Variants in RAI1 observed in about 807,000 individuals in gnomAD.
The protein encoded by RAI1 is retinoic acid induced 1.
Under a neutral mutation model 123.8 loss-of-function variants are expected in RAI1, and 9 were observed. The observed-to-expected ratio is 0.07, with a 90% CI of 0.04 to 0.13. The LOEUF (loss-of-function observed/expected upper bound fraction) is 0.13, where lower values mean the gene tolerates loss of function less well. Ranked by LOEUF, RAI1 falls within the 10% of genes least tolerant of loss-of-function variation. RAI1 has a pLI of 1.00. For missense variants in RAI1, 2,256 were observed against 2,545.8 expected (o/e 0.89, Z 2.45); for synonymous variants, 1,231 against 1,127.3 (o/e 1.09, Z -1.84).
intron 2 of RAI1, among the ~76,000 whole-genome samples, chr17:17,769,423 C>T (rs751778417): frequency 6.6e-5 from 10 of 152,276 alleles, no homozygotes; most frequent in Admixed American, 2.6e-4. Flanking sequence ...CCAGCTCCCC[C>T]GAGGCACGGG....
In RAI1 at chr17:17,686,606, T is replaced by TGC. The variant is rs1433996407; in HGVS notation, c.-149+4814_-149+4815insCG. Among the ~76,000 whole-genome samples the TGC allele has an allele frequency of 7.4e-4, 102 of 137,352 alleles. 3 individuals carry two copies. The highest frequency in any genetic ancestry group is 3.7e-3 in the Middle Eastern group (1 of 268). 90.1% of individuals were successfully genotyped at this position (137,352 alleles called of 152,430 possible). ...GTGTGTGTGTGTGTGTGTGTGTGTG[T>TGC]GTGCACGCGCGCGCCGGGGAGGGGA... On this transcript the variant is annotated intron_variant, in intron 1 of 5. Transcript: ENST00000353383.
Position 17,685,195 on chromosome 17 carries a change from C to G in RAI1, c.-149+3402C>G, listed in dbSNP as rs376656027. ...CTCCACAGGGAGGGAGGAGGTGCAA[C>G]AGCAACGGTGTGCGCAGAGCAGCGT... On this transcript the variant is annotated intron_variant, in intron 1 of 5. Coordinates refer to ENST00000353383, the MANE Select transcript of RAI1 (RefSeq NM_030665.4). This position sits in a 1 kb window ranked among gnomAD's most constrained non-coding sequence, Gnocchi z 4.0. The G allele has an allele frequency of 6.6e-6, 1 of 152,260 alleles. No individual in the cohort carries two copies. Among genetic ancestry groups the G allele is most frequent in the Non-Finnish European group, 1.5e-5 (1 of 68,064 alleles). 9.4% of individuals were successfully genotyped at this position (152,260 alleles called of 1,614,324 possible).
intron 1 of RAI1, 23 bp downstream of exon 1, chr17:17,681,816 C>CGGGGGGGCGCA (rs139937261): frequency 2.7e-5 from 8 of 297,578 alleles, no homozygotes; most frequent in Non-Finnish European, 3.8e-5. Flanking sequence ...CGCCGGGGCG[C>CGGGGGGGCGCA]GGGGGGCGCA....
chr17:17,711,763 G>C (rs921377618), intron 1 of RAI1, among the ~76,000 whole-genome samples: 19 of 152,224 alleles, frequency 1.2e-4, no homozygotes, highest in Non-Finnish European at 2.1e-4. Flanking sequence ...GGGCATTAGG[G>C]CCCAGATATC....
chr17:17,715,060 G>A (rs745549686), intron 1 of RAI1, among the ~76,000 whole-genome samples: 2 of 152,238 alleles, frequency 1.3e-5, no homozygotes, highest in African/African-American at 2.4e-5. Context: ...AGAGGGTGTA[G>A]AACTGCCCAG....
intron 2 of RAI1, among the ~76,000 whole-genome samples, chr17:17,744,371 A>G (rs1322926248): frequency 6.6e-6 from 1 of 152,228 alleles, no homozygotes; most frequent in African/African-American, 2.4e-5. Flanking sequence ...GTCAGTAGCC[A>G]GAAAGGCAAG....
intron 2 of RAI1, among the ~76,000 whole-genome samples, chr17:17,727,226 A>C (rs1881753254): frequency 6.6e-6 from 1 of 152,212 alleles, no homozygotes; most frequent in South Asian, 2.1e-4. Flanking sequence ...AGCCGAAAAG[A>C]GCCTTGGCAA....
chr17:17,761,808 G>A (rs1034625138), intron 2 of RAI1, among the ~76,000 whole-genome samples: 3 of 152,162 alleles, frequency 2.0e-5, no homozygotes, highest in Admixed American at 6.5e-5. Flanking sequence ...TGGTGACTGG[G>A]GCCTGGGCAG....
chr17:17,704,553 G>A (rs946417840), intron 1 of RAI1, among the ~76,000 whole-genome samples: 7 of 152,136 alleles, frequency 4.6e-5, no homozygotes, highest in Admixed American at 6.5e-5. Flanking sequence ...CAGGAGTTCC[G>A]ATCTCAACTC....
At position 17,793,372 on chromosome 17, in the gene RAI1, G is replaced by T. The variant is rs2032095988; in HGVS notation, c.424G>T (p.Asp142Tyr). The change falls in exon 3 of 6, where the codon GAT (aspartate) becomes TAT (tyrosine). Residue 142 changes from aspartate to tyrosine, a missense_variant. Physicochemically the swap from Asp to Tyr is radical, Grantham distance 160. This residue lies in a region of RAI1 where 336 missense variants were observed against 349.8 expected (regional missense o/e 0.96). Transcript: ENST00000353383. ...ACTACCTGCAGGGGTGGCCAAGTAT[G>T]ATGAGAACTTGATGAAAAAGACAGC... is the stretch of plus-strand genomic sequence containing the variant. Reference protein sequence around the residue: ...QPLPAGVAKYDENLMKKTAVP... With the variant: ...QPLPAGVAKYYENLMKKTAVP... 1 of 1,613,334 alleles carries T rather than the reference G, an allele frequency of 6.2e-7. No homozygotes were observed.
At chr17:17,689,237 C>T (rs182890721) in intron 1 of RAI1, among the ~76,000 whole-genome samples, 39 of 152,228 alleles carry the variant, frequency 2.6e-4, no homozygotes, top group Admixed American at 1.5e-3. Flanking sequence ...GGATTATAGG[C>T]GTGAGGTGAG....
chr17:17,810,769 G>T lies in RAI1; in HGVS notation c.*788G>T, dbSNP rs913065572. The T allele has an allele frequency of 2.2e-6, 1 of 452,640 alleles. No individual in the cohort carries two copies. Among genetic ancestry groups the T allele is most frequent in the East Asian group, 7.1e-5 (1 of 14,172 alleles). The allele number at this position is 452,640 out of a possible 1,614,324, so 28.0% of individuals were successfully genotyped here. ...CACCCCTGGAGCCCAGCCTGGGAGC[G>T]CAAAACCCAAGAAGCGGCCAGAACG... On this transcript the variant is annotated 3_prime_UTR_variant, in exon 6 of 6. Transcript: ENST00000353383. The surrounding 1 kb of genome is among the most constrained non-coding windows in gnomAD (Gnocchi z 4.6).
At position 17,798,280 on chromosome 17, in the gene RAI1, C is replaced by T. The variant is rs770837101; in HGVS notation, c.5332C>T (p.Arg1778Trp). 6.3e-6 allele frequency: 10 copies of T among 1,598,190 alleles called. No individual in the cohort carries two copies. The highest frequency in any genetic ancestry group is 1.3e-5 in the African/African-American group (1 of 74,618). ...GCGCACCAGTGCCCGGGGCCTGTCC[C>T]GGAGGCTGCAGAGCTGCTACTGCTG... The part of the protein sequence containing the change: ...PLRTSARGLS[R>W]RLQSCYCCDG... The change falls in exon 3 of 6, where the codon CGG (arginine) becomes TGG (tryptophan). Residue 1778 changes from arginine (R) to tryptophan (W), a missense_variant. Coordinates refer to ENST00000353383, the MANE Select transcript of RAI1 (RefSeq NM_030665.4).
At chr17:17,788,373 G>A (rs953822287) in intron 2 of RAI1, among the ~76,000 whole-genome samples, 1 of 152,196 alleles carries the variant, frequency 6.6e-6, no homozygotes, top group Non-Finnish European at 1.5e-5. Context: ...AGGCCCCTAG[G>A]ATATGGAATT....
Position 17,797,793 on chromosome 17 carries a change from C to T in RAI1, c.4845C>T (p.Asn1615=). ...TCACCACCATATGCACTGTTGTCAA[C>T]TCCCCTGGAGATGCGCCCAAGCCCC... is the stretch of plus-strand genomic sequence containing the variant. ...DAFTTICTVV[N]SPGDAPKPHR... is the part of the protein sequence containing the mutation. The change falls in exon 3 of 6, where the codon AAC becomes AAT. Residue 1615 remains asparagine, a synonymous_variant. Coordinates refer to ENST00000353383, the MANE Select transcript of RAI1 (RefSeq NM_030665.4). The T allele has an allele frequency of 6.2e-7, 1 of 1,614,092 alleles. No individual in the cohort carries two copies. The highest frequency in any genetic ancestry group is 8.5e-7 in the Non-Finnish European group (1 of 1,180,032).
At position 17,722,646 on chromosome 17, in the gene RAI1, C is replaced by T. The variant is rs1275859302; in HGVS notation, c.-148-1382C>T. On this transcript the variant is annotated intron_variant, in intron 1 of 5. Coordinates refer to ENST00000353383, the MANE Select transcript of RAI1 (RefSeq NM_030665.4). ...CTCTCCTGGCGGTCCTTGCCGCATGCTTCTGTGCTGCGCCAGAATCATCGA... is the reference window on the plus strand; with the variant it reads ...CTCTCCTGGCGGTCCTTGCCGCATGTTTCTGTGCTGCGCCAGAATCATCGA... 2.0e-5 allele frequency among the ~76,000 whole-genome samples: 3 copies of T among 152,250 alleles called. No homozygotes were observed. The East Asian group carries it at 5.8e-4, about 29-fold the overall frequency.
rs1037189372 is a variant in RAI1, at chr17:17,810,192, G to A, written c.*211G>A. Reference sequence around the variant, plus strand: ...TGGGAGGAAAACCCGTTCCGGAGCCGCCTGCTCCCGGAACCGGACGGCACA... The same window carrying A: ...TGGGAGGAAAACCCGTTCCGGAGCCACCTGCTCCCGGAACCGGACGGCACA... On this transcript the variant is annotated 3_prime_UTR_variant, in exon 6 of 6. Transcript: ENST00000353383. The surrounding 1 kb of genome is among the most constrained non-coding windows in gnomAD (Gnocchi z 4.6). The A allele has an allele frequency of 5.9e-6, 4 of 683,532 alleles. No individual in the cohort carries two copies. Among genetic ancestry groups the A allele is most frequent in the Middle Eastern group, 4.2e-4 (1 of 2,388 alleles). 42.3% of individuals were successfully genotyped at this position (683,532 alleles called of 1,614,324 possible).
intron 2 of RAI1, among the ~76,000 whole-genome samples, chr17:17,774,831 G>C (rs1213577141): frequency 6.6e-6 from 1 of 152,178 alleles, no homozygotes; most frequent in African/African-American, 2.4e-5. Flanking sequence ...GCGCACCATC[G>C]TCTGAGGTGC....
At chr17:17,689,927 G>A (rs1459703853) in intron 1 of RAI1, among the ~76,000 whole-genome samples, 2 of 152,094 alleles carry the variant, frequency 1.3e-5, no homozygotes, top group African/African-American at 4.8e-5. Flanking sequence ...TCCAGAAAGG[G>A]GTGCCAAAGC....
Sources: allele counts gnomAD v4.1 joint callset (sites outside exome capture counted in the v4.1 genomes callset), GRCh38; gene constraint gnomAD v4.1.1; regional missense constraint gnomAD v4.1.1; non-coding constraint Gnocchi (gnomAD v3.1); transcripts MANE v1.5; gene names NCBI Gene and HGNC (gene_info 2026-07-23, HGNC 2026-07-21).